SLC35F4: variants seen among roughly 807,000 people sequenced by gnomAD.
The protein encoded by SLC35F4 is chromosome 14 open reading frame 36.
Under a neutral mutation model 44.2 loss-of-function variants are expected in SLC35F4, and 24 were observed. The observed-to-expected ratio is 0.54, with a 90% CI of 0.39 to 0.76. SLC35F4 has a LOEUF of 0.76. Ranked by LOEUF, SLC35F4 falls within the 30% of genes least tolerant of loss-of-function variation. SLC35F4 has a pLI of 0.00. For synonymous variants in SLC35F4, 238 were observed against 223.6 expected (o/e 1.06, Z -0.57); for missense variants, 562 against 586.1 (o/e 0.96, Z 0.42).
At chr14:57,581,828 G>C (rs2069292248) in intron 3 of SLC35F4, among the ~76,000 whole-genome samples, 1 of 152,234 alleles carries the variant, frequency 6.6e-6, no homozygotes. Flanking sequence ...ACGGGCTACA[G>C]ACAACTCCTA....
At chr14:57,920,846 G>A (rs1594625835) in intron 1 of SLC35F4, among the ~76,000 whole-genome samples, 1 of 152,196 alleles carries the variant, frequency 6.6e-6, no homozygotes, top group Non-Finnish European at 1.5e-5. Context: ...TGAGAGACTT[G>A]AGAAGAAAGA....
intron 1 of SLC35F4, among the ~76,000 whole-genome samples, chr14:57,733,499 C>T (rs2076395789): frequency 6.8e-6 from 1 of 147,166 alleles, no homozygotes; most frequent in Non-Finnish European, 1.5e-5. Flanking sequence ...CTTTTTTTTT[C>T]AGCTTAGAAG....
chr14:57,759,566 C>CA, intron 1 of SLC35F4, among the ~76,000 whole-genome samples: 1 of 150,326 alleles, frequency 6.7e-6, no homozygotes, highest in East Asian at 1.9e-4. Context: ...GGTGACAGAG[C>CA]AAAAAAAGAA....
intron 1 of SLC35F4, among the ~76,000 whole-genome samples, chr14:57,829,543 G>T (rs970961353): frequency 4.1e-4 from 63 of 152,320 alleles, no homozygotes; most frequent in African/African-American, 1.5e-3. Flanking sequence ...GGCCAAGTCT[G>T]CAGGAAAGAT....
chr14:57,803,623 CTT>C (rs1880936685), intron 1 of SLC35F4, among the ~76,000 whole-genome samples: 1 of 109,724 alleles, frequency 9.1e-6, no homozygotes, highest in Non-Finnish European at 1.7e-5. Context: ...GACTTTCACT[CTT>C]GTCACCCAGA....
rs551495429 is a variant in SLC35F4 at position 57,656,638 on chromosome 14, C to T, written c.104-62514G>A. ...AGCTCCACCTCTCACTAGCTATGTG[C>T]TCAGCATCCCCTCTGTAAAGTGGGG... On this transcript the variant is annotated intron_variant, in intron 1 of 7. Transcript: ENST00000556826. Among the ~76,000 whole-genome samples, 12 of 152,174 alleles carry T rather than the reference C, an allele frequency of 7.9e-5. No homozygotes were observed. The East Asian group carries it at 1.4e-3, about 17-fold the overall frequency.
intron 1 of SLC35F4, among the ~76,000 whole-genome samples, chr14:57,784,545 G>C (rs1742843047): frequency 6.6e-6 from 1 of 151,998 alleles, no homozygotes; most frequent in Admixed American, 6.6e-5. Context: ...CTTAGTCAGG[G>C]GCGTGCCTGT....
At chr14:57,634,271 A>G (rs1594652842) in intron 1 of SLC35F4, among the ~76,000 whole-genome samples, 1 of 152,134 alleles carries the variant, frequency 6.6e-6, no homozygotes, top group East Asian at 1.9e-4. Flanking sequence ...GGTTGAAGGC[A>G]AGGGAATGGT....
intron 1 of SLC35F4, among the ~76,000 whole-genome samples, chr14:57,621,415 C>T (rs1459481582): frequency 2.0e-5 from 3 of 152,076 alleles, no homozygotes; most frequent in African/African-American, 7.2e-5. Context: ...TGACTTCAAA[C>T]TACACTACAA....
chr14:57,606,079 T>C (rs1474433656), intron 1 of SLC35F4, among the ~76,000 whole-genome samples: 1 of 152,170 alleles, frequency 6.6e-6, no homozygotes, highest in African/African-American at 2.4e-5. Context: ...TATACCTTTA[T>C]AACAAACCTG....
At chr14:57,868,825 A>C (rs760134720), upstream of SLC35F4, among the ~76,000 whole-genome samples, 10 of 152,188 alleles carry the variant, frequency 6.6e-5, no homozygotes, top group Non-Finnish European at 1.2e-4. Flanking sequence ...AGTTTTCACA[A>C]ACCCAAATAT....
chr14:57,632,273 G>A (rs1174245802), intron 1 of SLC35F4, among the ~76,000 whole-genome samples: 2 of 151,958 alleles, frequency 1.3e-5, no homozygotes, highest in African/African-American at 4.8e-5. Context: ...CTTTCTTATA[G>A]AAGCCTCTGA....
intron 1 of SLC35F4, among the ~76,000 whole-genome samples, chr14:57,693,639 A>G (rs982251726): frequency 3.9e-5 from 6 of 152,184 alleles, no homozygotes; most frequent in Non-Finnish European, 8.8e-5. Flanking sequence ...CTTGCTGTCA[A>G]TAAATACGTG....
intron 1 of SLC35F4, among the ~76,000 whole-genome samples, chr14:57,668,928 C>A (rs1487467858): frequency 6.6e-6 from 1 of 151,990 alleles, no homozygotes; most frequent in Non-Finnish European, 1.5e-5. Context: ...GGCAGTATGG[C>A]CATTTTCACA....
chr14:57,919,376 CGACA>C (rs1889394727), intron 1 of SLC35F4, among the ~76,000 whole-genome samples: 10 of 152,102 alleles, frequency 6.6e-5, no homozygotes, highest in Admixed American at 5.9e-4. Flanking sequence ...TTCTAACTTG[CGACA>C]CTTCAAAGGA....
At chr14:57,863,223 A>G (rs748256407) in intron 1 of SLC35F4, among the ~76,000 whole-genome samples, 2 of 152,244 alleles carry the variant, frequency 1.3e-5, no homozygotes, top group Non-Finnish European at 2.9e-5. Context: ...CTGTTCATTA[A>G]TTGAACAGGA....
In SLC35F4 at chr14:57,603,299, A is replaced by T. The variant is rs145388877; in HGVS notation, c.104-9175T>A. On this transcript the variant is annotated intron_variant, in intron 1 of 7. Transcript: ENST00000556826. Reference sequence around the variant, plus strand: ...TTGCAAAAGAACAAACAATTTTTTTAAAAAAAATCTCAGCCCAGTTATCAA... The same window carrying T: ...TTGCAAAAGAACAAACAATTTTTTTTAAAAAAATCTCAGCCCAGTTATCAA... 5.3e-3 allele frequency among the ~76,000 whole-genome samples: 809 copies of T among 152,176 alleles called. 2 individuals carry two copies. Among genetic ancestry groups the T allele is most frequent in the Middle Eastern group, 0.01 (3 of 292 alleles).
At chr14:57,872,539 GC>G (rs1241232234) in intron 1 of SLC35F4, among the ~76,000 whole-genome samples, 3 of 152,116 alleles carry the variant, frequency 2.0e-5, no homozygotes, top group African/African-American at 7.2e-5. Flanking sequence ...CTCACCTCAT[GC>G]CAATGCTGGG....
intron 1 of SLC35F4, among the ~76,000 whole-genome samples, chr14:57,616,101 G>A (rs528785502): frequency 4.6e-5 from 7 of 152,138 alleles, no homozygotes; most frequent in Non-Finnish European, 8.8e-5. Context: ...ACTCTTTTAA[G>A]TGTAAAGTCC....
Sources: gnomAD v4.1 joint callset for allele counts (sites outside exome capture counted in the v4.1 genomes callset) on GRCh38, gnomAD v4.1.1 for gene constraint, MANE v1.5 for transcripts, NCBI Gene and HGNC (gene_info 2026-07-23, HGNC 2026-07-21) for gene names.